The following PALM2AKAP2 variants were observed in gnomAD, a reference collection of about 807,000 sequenced individuals.
PALM2AKAP2 encodes the protein PALM2 and AKAP2 fusion, also known as PALM2-AKAP2 fusion protein.
In PALM2AKAP2, 37 loss-of-function variants were observed where a neutral mutation model predicts 71.5. The observed-to-expected ratio is 0.52, with a 90% CI of 0.40 to 0.68. The LOEUF is 0.68. Among genes scored for constraint, PALM2AKAP2 ranks in the 30% least tolerant of loss-of-function variants. The pLI is 0.00. For missense variants in PALM2AKAP2, 1,224 were observed against 1,191.8 expected (o/e 1.03, Z -0.40); for synonymous variants, 468 against 478.8 (o/e 0.98, Z 0.29).
At chr9:110,148,283 GTATA>G (rs1329064730) in intron 2 of PALM2AKAP2, among the ~76,000 whole-genome samples, 3 of 151,970 alleles carry the variant, frequency 2.0e-5, no homozygotes, top group Admixed American at 6.5e-5. Flanking sequence ...GTGTTCATAG[GTATA>G]AACCCAATAT....
At chr9:109,643,842 G>A (rs980290972) in intron 1 of PALM2AKAP2, among the ~76,000 whole-genome samples, 1 of 152,180 alleles carries the variant, frequency 6.6e-6, no homozygotes, top group Non-Finnish European at 1.5e-5. Context: ...GAAGAAAAGA[G>A]CTTTAATTGG....
intron 1 of PALM2AKAP2, among the ~76,000 whole-genome samples, chr9:110,080,714 C>T (rs524229): frequency 0.16 from 24,848 of 152,002 alleles, 2,200 homozygotes; most frequent in African/African-American, 0.22. Context: ...AGTCTCACTC[C>T]GTTGCCCACG....
chr9:109,999,711 G>T (rs572985997), intron 6 of PALM2AKAP2, among the ~76,000 whole-genome samples: 50 of 152,344 alleles, frequency 3.3e-4, no homozygotes, highest in African/African-American at 1.2e-3. Context: ...CGACCAGGAA[G>T]CACCATGAGA....
At chr9:110,131,106 G>C (rs1835725272) in intron 1 of PALM2AKAP2, among the ~76,000 whole-genome samples, 1 of 152,096 alleles carries the variant, frequency 6.6e-6, no homozygotes, top group Non-Finnish European at 1.5e-5. Flanking sequence ...TCAGACCCTG[G>C]AATGTAATTT....
intron 7 of PALM2AKAP2, among the ~76,000 whole-genome samples, chr9:110,031,540 G>T (rs768903482): frequency 6.6e-6 from 1 of 152,186 alleles, no homozygotes; most frequent in Non-Finnish European, 1.5e-5. Context: ...CATGTGTCAG[G>T]TAGTGCTCTG....
chr9:109,864,710 G>A (rs1029682852), intron 1 of PALM2AKAP2, among the ~76,000 whole-genome samples: 2 of 152,150 alleles, frequency 1.3e-5, no homozygotes, highest in Non-Finnish European at 2.9e-5. Flanking sequence ...CAGTAGTTGC[G>A]ACAGAGACTG....
chr9:109,722,678 G>A (rs1043281932), intron 1 of PALM2AKAP2, among the ~76,000 whole-genome samples: 7 of 152,108 alleles, frequency 4.6e-5, no homozygotes, highest in Non-Finnish European at 7.4e-5. Context: ...AGGCTGAGGT[G>A]GGGGGATCAC....
chr9:109,707,016 G>C (rs1828155538), intron 1 of PALM2AKAP2, among the ~76,000 whole-genome samples: 1 of 152,176 alleles, frequency 6.6e-6, no homozygotes, highest in South Asian at 2.1e-4. Flanking sequence ...CCATTGACTA[G>C]TACACTAAGT....
intron 6 of PALM2AKAP2, among the ~76,000 whole-genome samples, chr9:109,966,721 G>C (rs553248559): frequency 3.3e-4 from 51 of 152,306 alleles, no homozygotes; most frequent in Non-Finnish European, 6.0e-4. Flanking sequence ...TTAAAATAAT[G>C]TACTTTCAAA....
Position 109,729,396 on chromosome 9 carries a change from G to A in PALM2AKAP2, c.6-51092G>A, listed in dbSNP as rs190864364. Reference sequence around the variant, plus strand: ...GGTGATCACAGGCATAAACTGGCCAGTATAGCCAAAGGCATCATGAGGATT... The same window carrying A: ...GGTGATCACAGGCATAAACTGGCCAATATAGCCAAAGGCATCATGAGGATT... On this transcript the variant is annotated intron_variant, in intron 1 of 6. Coordinates refer to the PALM2AKAP2 transcript ENST00000374531. Among the ~76,000 whole-genome samples the A allele has an allele frequency of 2.2e-3, 341 of 152,288 alleles. 1 individual carries two copies. The highest frequency in any genetic ancestry group is 7.8e-3 in the African/African-American group (323 of 41,564).
At chr9:109,931,143 A>G (rs1161381572) in intron 5 of PALM2AKAP2, among the ~76,000 whole-genome samples, 3 of 152,062 alleles carry the variant, frequency 2.0e-5, no homozygotes, top group African/African-American at 7.2e-5. Context: ...GTCTTGTCTT[A>G]CCTCAGGGGT....
intron 3 of PALM2AKAP2, among the ~76,000 whole-genome samples, chr9:110,162,409 G>A (rs916176492): frequency 6.6e-6 from 1 of 152,180 alleles, no homozygotes; most frequent in African/African-American, 2.4e-5. Context: ...TCTTGAAGAC[G>A]TTTGGACCAG....
At chr9:109,927,964 T>C (rs1734472271) in intron 5 of PALM2AKAP2, among the ~76,000 whole-genome samples, 1 of 152,362 alleles carries the variant, frequency 6.6e-6, no homozygotes, top group East Asian at 1.9e-4. Context: ...ATCTCAGTCC[T>C]TGGTGTATGA....
chr9:109,808,071 G>A (rs1248867805), intron 1 of PALM2AKAP2, among the ~76,000 whole-genome samples: 4 of 152,148 alleles, frequency 2.6e-5, no homozygotes, highest in South Asian at 2.1e-4. Flanking sequence ...TCTCAGGTAC[G>A]TCTTTATTAG....
intron 3 of PALM2AKAP2, among the ~76,000 whole-genome samples, chr9:109,909,584 G>T (rs1426309636): frequency 1.3e-5 from 2 of 152,174 alleles, no homozygotes; most frequent in African/African-American, 4.8e-5. Context: ...TTGTAAACTG[G>T]AGTTAGGGAA....
upstream of PALM2AKAP2, among the ~76,000 whole-genome samples, chr9:110,048,143 A>G (rs1457725336): frequency 1.3e-5 from 2 of 152,162 alleles, no homozygotes; most frequent in Non-Finnish European, 1.5e-5. Context: ...TTACTGCCAC[A>G]AAGACGCACT....
At chr9:109,890,052 C>T (rs1017464965) in intron 3 of PALM2AKAP2, among the ~76,000 whole-genome samples, 5 of 152,224 alleles carry the variant, frequency 3.3e-5, no homozygotes, top group South Asian at 2.1e-4. Flanking sequence ...CATAGCCCCT[C>T]TGGCTTGTAA....
intron 2 of PALM2AKAP2, 148 bp from the exon 9 acceptor site, chr9:110,156,171 T>A: frequency 8.5e-7 from 1 of 1,178,622 alleles, no homozygotes; most frequent in Non-Finnish European, 1.1e-6. Context: ...TTGATCCCTG[T>A]AATATAATAA....
At chr9:109,843,162 C>T (rs1003244974) in intron 1 of PALM2AKAP2, among the ~76,000 whole-genome samples, 12 of 50,622 alleles carry the variant, frequency 2.4e-4, no homozygotes, top group Admixed American at 3.7e-4. Flanking sequence ...AAAAAAAAAT[C>T]GAACAATTAG....
Sources: allele counts gnomAD v4.1 joint callset (sites outside exome capture counted in the v4.1 genomes callset), GRCh38; gene constraint gnomAD v4.1.1; transcripts MANE v1.5; gene names NCBI Gene and HGNC (gene_info 2026-07-23, HGNC 2026-07-21).